RGS7BP: variants seen among roughly 807,000 people sequenced by gnomAD.
RGS7BP encodes regulator of G protein signaling 7-binding protein.
Under a neutral mutation model 31.3 loss-of-function variants are expected in RGS7BP, and 9 were observed. That is an observed-to-expected ratio of 0.29 (90% CI 0.17 to 0.50). RGS7BP has a LOEUF of 0.50. Ranked by LOEUF, RGS7BP falls within the 20% of genes least tolerant of loss-of-function variation. The pLI is 0.98. For missense variants in RGS7BP, 274 were observed against 322.0 expected (o/e 0.85, Z 1.14); for synonymous variants, 115 against 120.1 (o/e 0.96, Z 0.28).
intron 5 of RGS7BP, among the ~76,000 whole-genome samples, chr5:64,602,255 G>A (rs1334385959): frequency 6.6e-6 from 1 of 152,114 alleles, no homozygotes; most frequent in Non-Finnish European, 1.5e-5. Context: ...TTCCCCCAAG[G>A]GCCTCGTAAA....
At chr5:64,572,159 T>A (rs933545962) in intron 2 of RGS7BP, among the ~76,000 whole-genome samples, 1 of 152,118 alleles carries the variant, frequency 6.6e-6, no homozygotes, top group Non-Finnish European at 1.5e-5. Flanking sequence ...ATTACACAGG[T>A]CCAATTTCAT....
chr5:64,531,185 C>T (rs150614540), intron 2 of RGS7BP, among the ~76,000 whole-genome samples: 26 of 152,212 alleles, frequency 1.7e-4, no homozygotes, highest in African/African-American at 5.3e-4. Flanking sequence ...ATGGGGAGTC[C>T]CTCAATAGGA....
At chr5:64,558,755 T>TAA (rs1741983285) in intron 2 of RGS7BP, among the ~76,000 whole-genome samples, 3 of 152,080 alleles carry the variant, frequency 2.0e-5, no homozygotes, top group African/African-American at 4.8e-5. Context: ...CTTTCCCCAG[T>TAA]AAGGAATATT....
At chr5:64,587,050 T>C (rs1485616171) in intron 3 of RGS7BP, among the ~76,000 whole-genome samples, 1 of 152,112 alleles carries the variant, frequency 6.6e-6, no homozygotes, top group East Asian at 1.9e-4. Flanking sequence ...GTGGGCAGTG[T>C]TGCTCTTTCC....
intron 2 of RGS7BP, among the ~76,000 whole-genome samples, chr5:64,520,382 G>A (rs767267747): frequency 2.0e-5 from 3 of 152,060 alleles, no homozygotes; most frequent in Non-Finnish European, 2.9e-5. Context: ...GGTTTTTAAG[G>A]TTTCCTCAGC....
intron 2 of RGS7BP, among the ~76,000 whole-genome samples, chr5:64,563,425 GGAGTA>G (rs1253110801): frequency 6.6e-6 from 1 of 152,076 alleles, no homozygotes; most frequent in African/African-American, 2.4e-5. Flanking sequence ...AAATCTTACT[GGAGTA>G]GAGTGGGCCT....
intron 3 of RGS7BP, among the ~76,000 whole-genome samples, chr5:64,582,089 A>T (rs9291814): frequency 0.46 from 70,403 of 152,022 alleles, 16,687 homozygotes; most frequent in South Asian, 0.51. Context: ...GCATTACTTG[A>T]CAAAGTCTAA....
chr5:64,562,009 G>A (rs1031056462), intron 2 of RGS7BP, among the ~76,000 whole-genome samples: 2 of 152,076 alleles, frequency 1.3e-5, no homozygotes, highest in Non-Finnish European at 2.9e-5. Context: ...TTGAAAACTT[G>A]TTGGCAATAA....
chr5:64,548,951 C>T (rs984452382), intron 2 of RGS7BP, among the ~76,000 whole-genome samples: 17 of 150,468 alleles, frequency 1.1e-4, no homozygotes, highest in African/African-American at 4.2e-4. Flanking sequence ...ATAAATTTGT[C>T]GGGGGACACA....
intron 5 of RGS7BP, among the ~76,000 whole-genome samples, chr5:64,602,357 C>A (rs189685269): frequency 1.2e-4 from 19 of 152,292 alleles, no homozygotes; most frequent in African/African-American, 4.6e-4. Flanking sequence ...AATCTCTTGT[C>A]CAAGATTCAG....
intron 2 of RGS7BP, among the ~76,000 whole-genome samples, chr5:64,554,047 C>T (rs1016064469): frequency 5.9e-5 from 9 of 152,140 alleles, no homozygotes; most frequent in Non-Finnish European, 1.0e-4. Context: ...TGGATATCTG[C>T]TCTTTGACCC....
rs1426972334 is a variant in RGS7BP, at chr5:64,611,967, A to T, written c.*2715A>T. 6.6e-6 allele frequency: 1 copy of T among 152,152 alleles called. No homozygotes were observed. Among genetic ancestry groups the T allele is most frequent in the Non-Finnish European group, 1.5e-5 (1 of 67,910 alleles). The allele number at this position is 152,152 out of a possible 1,614,324, so 9.4% of individuals were successfully genotyped here. A position where few individuals can be genotyped will look rare whatever the true frequency, so the allele number is the denominator to read the frequency against. On this transcript the variant is annotated 3_prime_UTR_variant, in exon 6 of 6. Transcript: ENST00000334025. Reference sequence around the variant, plus strand: ...ACTGAGCTGATCTCTAGGGTTAAGAAGAGAACATTGAACTCATTTTGTCGC... The same window carrying T: ...ACTGAGCTGATCTCTAGGGTTAAGATGAGAACATTGAACTCATTTTGTCGC...
intron 2 of RGS7BP, among the ~76,000 whole-genome samples, chr5:64,545,299 A>C (rs1407789811): frequency 6.6e-6 from 1 of 152,010 alleles, no homozygotes; most frequent in Non-Finnish European, 1.5e-5. Context: ...GCATTAGGAG[A>C]CATACCTGAT....
chr5:64,601,426 G>A, intron 5 of RGS7BP: 1 of 983,146 alleles, frequency 1.0e-6, no homozygotes, highest in Non-Finnish European at 1.2e-6. Context: ...CTCCACAATG[G>A]TTTACTTTAA....
intron 2 of RGS7BP, among the ~76,000 whole-genome samples, chr5:64,542,666 T>A (rs1264148124): frequency 6.6e-6 from 1 of 152,222 alleles, no homozygotes; most frequent in African/African-American, 2.4e-5. Context: ...AGGGCTGCTG[T>A]TAACCCTTTG....
chr5:64,588,430 T>G (rs1330738456), intron 3 of RGS7BP, among the ~76,000 whole-genome samples: 3 of 152,192 alleles, frequency 2.0e-5, no homozygotes, highest in Admixed American at 6.5e-5. Context: ...GACATGCTTA[T>G]AAAAGACACA....
Position 64,506,733 on chromosome 5 carries a change from G to A in RGS7BP, c.109G>A (p.Gly37Ser). 1 of 1,607,462 alleles carries A rather than the reference G, an allele frequency of 6.2e-7. No individual in the cohort carries two copies. The highest frequency in any genetic ancestry group is 8.5e-7 in the Non-Finnish European group (1 of 1,174,560). The change falls in exon 1 of 6, where the codon GGC (glycine) becomes AGC (serine). Residue 37 changes from glycine to serine, a missense_variant. Transcript: ENST00000334025. This position sits in a 1 kb window ranked among gnomAD's most constrained non-coding sequence, Gnocchi z 4.6. ...PLQSGDWERR[G>S]SGSESAHKTQ... ...GCAGAGCGGAGATTGGGAGCGCAGG[G>A]GCAGCGGCTCCGAGAGCGCCCACAA...
intron 3 of RGS7BP, among the ~76,000 whole-genome samples, chr5:64,584,187 T>G (rs1198151689): frequency 6.6e-6 from 1 of 152,224 alleles, no homozygotes; most frequent in African/African-American, 2.4e-5. Flanking sequence ...TTCTATCTTA[T>G]TTAATGATTA....
intron 2 of RGS7BP, among the ~76,000 whole-genome samples, chr5:64,519,582 G>T (rs1749058795): frequency 6.6e-6 from 1 of 152,194 alleles, no homozygotes; most frequent in South Asian, 2.1e-4. Flanking sequence ...TTCTCTTTTA[G>T]TTATGCAGTC....
Sources: allele counts gnomAD v4.1 joint callset (sites outside exome capture counted in the v4.1 genomes callset), GRCh38; gene constraint gnomAD v4.1.1; non-coding constraint Gnocchi (gnomAD v3.1); transcripts MANE v1.5; gene names NCBI Gene and HGNC (gene_info 2026-07-23, HGNC 2026-07-21).